RNF216: variants seen among roughly 807,000 people sequenced by gnomAD.
RNF216 encodes E3 ubiquitin-protein ligase RNF216.
RNF216 carries 72 observed loss-of-function variants against 110.8 expected under a neutral mutation model. The ratio of observed to expected loss-of-function variants is 0.65; its 90% CI spans 0.54 to 0.79. The LOEUF (loss-of-function observed/expected upper bound fraction) is 0.79. Among genes scored for constraint, RNF216 ranks in the 30% least tolerant of loss-of-function variants. RNF216 has a pLI of 0.00. For synonymous variants in RNF216, 495 were observed against 407.5 expected (o/e 1.21, Z -2.59); for missense variants, 1,342 against 1,141.2 (o/e 1.18, Z -2.54).
chr7:5,675,621 A>G (rs772605866), intron 13 of RNF216, among the ~76,000 whole-genome samples: 4 of 152,068 alleles, frequency 2.6e-5, no homozygotes, highest in Non-Finnish European at 5.9e-5. Flanking sequence ...AGCCTGGGTG[A>G]CAGAGCAAGA....
intron 3 of RNF216, among the ~76,000 whole-genome samples, chr7:5,749,544 G>A (rs970148084): frequency 2.0e-5 from 3 of 152,138 alleles, no homozygotes; most frequent in Non-Finnish European, 4.4e-5. Context: ...TTTTGGTTCA[G>A]AAATAACTAA....
At chr7:5,652,785 G>A (rs551813972) in intron 13 of RNF216, among the ~76,000 whole-genome samples, 294 of 151,736 alleles carry the variant, frequency 1.9e-3, no homozygotes, top group African/African-American at 6.9e-3. Context: ...GTGAGACCCT[G>A]TCCCTTAAAA....
chr7:5,745,893 TAAAAAAAAAAA>T (rs55943759), intron 3 of RNF216, among the ~76,000 whole-genome samples: 1 of 130,036 alleles, frequency 7.7e-6, no homozygotes, highest in Admixed American at 7.9e-5. Flanking sequence ...GAGACTGTCT[TAAAAAAAAAAA>T]AAAAAAAAGA....
At chr7:5,762,755 A>G (rs1300107572) in intron 1 of RNF216, among the ~76,000 whole-genome samples, 1 of 152,156 alleles carries the variant, frequency 6.6e-6, no homozygotes, top group African/African-American at 2.4e-5. Flanking sequence ...GACCTCAGCA[A>G]CTTCAGGACA....
At chr7:5,710,395 C>T (rs1369153677) in intron 13 of RNF216, among the ~76,000 whole-genome samples, 4 of 151,830 alleles carry the variant, frequency 2.6e-5, no homozygotes, top group African/African-American at 9.7e-5. Flanking sequence ...AAAAAACGTC[C>T]TCAGAGAATA....
chr7:5,691,261 G>A (rs1259336436), intron 13 of RNF216, among the ~76,000 whole-genome samples: 11 of 152,220 alleles, frequency 7.2e-5, no homozygotes, highest in African/African-American at 1.9e-4. Context: ...CACTCGGGCC[G>A]ACGGCAGCAT....
chr7:5,643,747 C>T (rs985681317), intron 14 of RNF216, among the ~76,000 whole-genome samples: 5 of 152,290 alleles, frequency 3.3e-5, no homozygotes, highest in Middle Eastern at 6.8e-3. Context: ...TGAGTATTCA[C>T]GATGTTATAC....
chr7:5,734,060 G>C (rs147733004), intron 5 of RNF216, among the ~76,000 whole-genome samples: 2,927 of 151,994 alleles, frequency 0.019, 43 homozygotes, highest in Non-Finnish European at 0.031. Flanking sequence ...GCTTAGGAGG[G>C]GAAAAAAATC....
chr7:5,656,454 C>T lies in RNF216; in HGVS notation c.2062-3944G>A, dbSNP rs965112423. ...ATGAAGAACAGGGTATCGTGGCCAT[C>T]GCGCGGGACCACACTTTCTATCCCC... On this transcript the variant is annotated intron_variant, in intron 13 of 16. Transcript: ENST00000389902. Among the ~76,000 whole-genome samples the T allele has an allele frequency of 2.6e-5, 4 of 152,308 alleles. 1 individual carries two copies. The Middle Eastern group carries it at 0.014, about 518-fold the overall frequency.
chr7:5,664,306 T>C (rs1307222227), intron 13 of RNF216, among the ~76,000 whole-genome samples: 1 of 152,210 alleles, frequency 6.6e-6, no homozygotes, highest in African/African-American at 2.4e-5. Flanking sequence ...GGTTAATTCA[T>C]TACAGCTTCA....
intron 13 of RNF216, among the ~76,000 whole-genome samples, chr7:5,672,912 C>T (rs1431348424): frequency 1.3e-5 from 2 of 152,124 alleles, no homozygotes; most frequent in Non-Finnish European, 2.9e-5. Context: ...ATCGTTTGAC[C>T]AAGGGGGATG....
chr7:5,640,386 C>T (rs1351515526), intron 15 of RNF216, among the ~76,000 whole-genome samples: 1 of 152,168 alleles, frequency 6.6e-6, no homozygotes, highest in East Asian at 1.9e-4. Flanking sequence ...ACCTGGGAAA[C>T]ATAGCCCCTA....
chr7:5,633,770 G>A (rs1787225073), intron 15 of RNF216, among the ~76,000 whole-genome samples: 2 of 152,158 alleles, frequency 1.3e-5, no homozygotes, highest in African/African-American at 4.8e-5. Context: ...CGCAGCAAGA[G>A]CTTGTGGGGA....
Position 5,654,648 on chromosome 7 carries a change from C to A in RNF216, c.2062-2138G>T, listed in dbSNP as rs561238617. On this transcript the variant is annotated intron_variant, in intron 13 of 16. Coordinates refer to ENST00000389902, the MANE Select transcript of RNF216 (RefSeq NM_207111.4). ...GCTGCAGTGGGCAGAGATGGCACCA[C>A]TGCACTTTAGCCTGGGAAATACAGC... Among the ~76,000 whole-genome samples, 17 of 132,542 alleles carry A rather than the reference C, an allele frequency of 1.3e-4. 1 individual carries two copies. The East Asian group carries it at 3.9e-3, about 31-fold the overall frequency. The allele number at this position is 132,542 out of a possible 152,430, so 87.0% of individuals were successfully genotyped here.
chr7:5,739,189 T>C lies in RNF216; in HGVS notation c.1121+87A>G, dbSNP rs187557201. 4.2e-4 allele frequency: 578 copies of C among 1,379,966 alleles called. No homozygotes were observed. The African/African-American group carries it at 6.6e-3, about 16-fold the overall frequency. The allele number at this position is 1,379,966 out of a possible 1,614,324, so 85.5% of individuals were successfully genotyped here. On this transcript the variant is annotated intron_variant, in intron 5 of 16. Transcript: ENST00000389902. The stretch of plus-strand genomic sequence containing the variant: ...ACTTAACAACACCAAATTGTATATT[T>C]AAAAATGATTAAAATGGTAAATTTT...
intron 2 of RNF216, among the ~76,000 whole-genome samples, chr7:5,760,074 T>A (rs1795851874): frequency 6.6e-6 from 1 of 151,730 alleles, no homozygotes; most frequent in Admixed American, 6.5e-5. Flanking sequence ...AACGTAAGGA[T>A]TCTACACCTC....
At chr7:5,668,385 G>A (rs982133820) in intron 13 of RNF216, among the ~76,000 whole-genome samples, 4 of 151,962 alleles carry the variant, frequency 2.6e-5, no homozygotes, top group Admixed American at 6.6e-5. Flanking sequence ...CACCACGCCC[G>A]GCTAATGTTT....
intron 11 of RNF216, among the ~76,000 whole-genome samples, chr7:5,714,821 G>A (rs1389425355): frequency 1.3e-5 from 2 of 152,156 alleles, no homozygotes; most frequent in East Asian, 1.9e-4. Context: ...CGAAGGAGGT[G>A]CTCCTCTGCG....
At chr7:5,642,223 T>G (rs1168773085) in intron 14 of RNF216, among the ~76,000 whole-genome samples, 1 of 151,338 alleles carries the variant, frequency 6.6e-6, no homozygotes, top group Non-Finnish European at 1.5e-5. Flanking sequence ...TTTTGTTTTT[T>G]TTTTTTTGAG....
Sources: gnomAD v4.1 joint callset for allele counts (sites outside exome capture counted in the v4.1 genomes callset) on GRCh38, gnomAD v4.1.1 for gene constraint, MANE v1.5 for transcripts, NCBI Gene and HGNC (gene_info 2026-07-23, HGNC 2026-07-21) for gene names.